Variants in CEP170 observed in about 807,000 individuals in gnomAD.
CEP170 encodes centrosomal protein of 170 kDa.
CEP170 carries 21 observed loss-of-function variants against 151.9 expected under a neutral mutation model. The observed-to-expected ratio is 0.14, with a 90% CI of 0.10 to 0.20. The LOEUF (loss-of-function observed/expected upper bound fraction) is 0.20, where lower values mean the gene tolerates loss of function less well. Among genes scored for constraint, CEP170 ranks in the 10% least tolerant of loss-of-function variants. CEP170 has a pLI of 1.00. For missense variants in CEP170, 964 were observed against 1,892.9 expected, an observed-to-expected ratio of 0.51 and a Z score of 9.11; for synonymous variants, 356 against 648.8, an observed-to-expected ratio of 0.55 and a Z score of 6.86.
chr1:243,154,390 A>G (rs1428174335), intron 14 of CEP170, among the ~76,000 whole-genome samples: 1 of 152,182 alleles, frequency 6.6e-6, no homozygotes, highest in Admixed American at 6.5e-5. Flanking sequence ...TTGAAAATAC[A>G]TTTTCTCACC....
At chr1:243,143,212 A>G (rs2056078022) in intron 14 of CEP170, among the ~76,000 whole-genome samples, 1 of 151,844 alleles carries the variant, frequency 6.6e-6, no homozygotes, top group African/African-American at 2.4e-5. Flanking sequence ...AGAACCCTGC[A>G]CTCTTTCGTA....
chr1:243,194,553 C>G (rs1202238618), intron 7 of CEP170, among the ~76,000 whole-genome samples: 1 of 151,820 alleles, frequency 6.6e-6, no homozygotes, highest in Non-Finnish European at 1.5e-5. Context: ...GTTCAATCAT[C>G]TGGAAAATTC....
intron 11 of CEP170, among the ~76,000 whole-genome samples, chr1:243,172,068 T>A (rs1173172045): frequency 1.3e-5 from 2 of 152,198 alleles, no homozygotes; most frequent in Non-Finnish European, 2.9e-5. Flanking sequence ...ACAGGAAACA[T>A]ATACTTCTAA....
chr1:243,163,179 G>A (rs2148523367), intron 13 of CEP170: 2 of 152,312 alleles, frequency 1.3e-5, no homozygotes, highest in Middle Eastern at 3.4e-3. Context: ...GGTCTTGTAG[G>A]AGATGGTGTG....
chr1:243,170,151 G>C (rs999769575), intron 11 of CEP170, among the ~76,000 whole-genome samples: 2 of 152,194 alleles, frequency 1.3e-5, no homozygotes, highest in Admixed American at 6.5e-5. Context: ...TCTTTGGGAG[G>C]CCGAGGCAGG....
At chr1:243,205,173 A>G (rs2061326016) in intron 4 of CEP170, among the ~76,000 whole-genome samples, 1 of 152,206 alleles carries the variant, frequency 6.6e-6, no homozygotes, top group African/African-American at 2.4e-5. Context: ...CCCAGGACTG[A>G]GTACTGAAGA....
chr1:243,213,504 G>A (rs906521933), intron 3 of CEP170, among the ~76,000 whole-genome samples: 1 of 152,120 alleles, frequency 6.6e-6, no homozygotes, highest in Admixed American at 6.5e-5. Context: ...CTATGATAAT[G>A]TTGATAAAGC....
chr1:243,253,416 G>C (rs974068632), intron 1 of CEP170: 1 of 152,226 alleles, frequency 6.6e-6, no homozygotes, highest in Non-Finnish European at 1.5e-5. Context: ...GTTTGGCTCT[G>C]CCTTCGATTA....
chr1:243,246,226 CTTTTTTTT>C (rs774096892), intron 1 of CEP170, among the ~76,000 whole-genome samples: 1 of 109,470 alleles, frequency 9.1e-6, no homozygotes, highest in African/African-American at 3.9e-5. Context: ...GTGTTGTTTA[CTTTTTTTT>C]TTTTTTTTTT....
rs543299367 is a variant in CEP170 at position 243,236,940 on chromosome 1, T to C, written c.-41-11619A>G. 2.6e-5 allele frequency among the ~76,000 whole-genome samples: 4 copies of C among 152,366 alleles called. No homozygotes were observed. The South Asian group carries it at 8.3e-4, about 32-fold the overall frequency. On this transcript the variant is annotated intron_variant, in intron 1 of 19. Transcript: ENST00000366542. ...TAGCATATCACTAATTCTTGTGCCC[T>C]TTAAAAATGGTTTCTGTTCATCTTC... is the stretch of plus-strand genomic sequence containing the variant.
intron 1 of CEP170, among the ~76,000 whole-genome samples, chr1:243,230,789 T>C (rs1352852781): frequency 6.6e-6 from 1 of 152,102 alleles, no homozygotes; most frequent in African/African-American, 2.4e-5. Context: ...CATACTAATA[T>C]ACACATATAG....
chr1:243,166,082 T>A lies in CEP170; in HGVS notation c.1878A>T (p.Arg626Ser). The A allele has an allele frequency of 6.2e-7, 1 of 1,612,982 alleles. No homozygotes were observed. Among genetic ancestry groups the A allele is most frequent in the African/African-American group, 1.3e-5 (1 of 74,988 alleles). ...CCAAGGAAGTTGCAGAGCCAGTACTTCTCACTGTCATGCCAGACTCACTGA... is the reference window on the plus strand; with the variant it reads ...CCAAGGAAGTTGCAGAGCCAGTACTACTCACTGTCATGCCAGACTCACTGA... Reference protein sequence around the residue: ...TEISESGMTVRSTGSATSLAS... With the variant: ...TEISESGMTVSSTGSATSLAS... Residue 626 changes from arginine (R) to serine (S), a missense_variant, in exon 13 of 20, where the codon AGA becomes AGT. Transcript: ENST00000366542.
chr1:243,214,234 G>A (rs190896482), intron 3 of CEP170, among the ~76,000 whole-genome samples: 32 of 150,500 alleles, frequency 2.1e-4, no homozygotes, highest in African/African-American at 7.5e-4. Flanking sequence ...GCACTTTATG[G>A]AGGAAAAAAG....
chr1:243,248,225 T>C (rs2065605231), intron 1 of CEP170, among the ~76,000 whole-genome samples: 1 of 152,220 alleles, frequency 6.6e-6, no homozygotes, highest in African/African-American at 2.4e-5. Context: ...AGTATTTAGG[T>C]GATTAAAGGT....
intron 1 of CEP170, among the ~76,000 whole-genome samples, chr1:243,227,442 T>C (rs967607940): frequency 6.6e-6 from 1 of 152,198 alleles, no homozygotes; most frequent in Admixed American, 6.5e-5. Flanking sequence ...ACACAATTTC[T>C]CCTTCAGAAA....
At chr1:243,137,935 A>G (rs1327079971) in intron 16 of CEP170, among the ~76,000 whole-genome samples, 3 of 152,144 alleles carry the variant, frequency 2.0e-5, no homozygotes, top group African/African-American at 7.2e-5. Flanking sequence ...GAAAAATAAC[A>G]TTGTCAAGGA....
At chr1:243,228,198 C>A (rs563249693) in intron 1 of CEP170, among the ~76,000 whole-genome samples, 1 of 152,184 alleles carries the variant, frequency 6.6e-6, no homozygotes, top group South Asian at 2.1e-4. Flanking sequence ...AAATGCAGAA[C>A]TTTATGTTAA....
chr1:243,196,640 G>GA (rs1251994981), intron 7 of CEP170, among the ~76,000 whole-genome samples: 1 of 152,068 alleles, frequency 6.6e-6, no homozygotes, highest in African/African-American at 2.4e-5. Flanking sequence ...CTGATTTTCA[G>GA]AGTTTGGTGA....
chr1:243,176,260 A>G (rs2059244327), intron 10 of CEP170, among the ~76,000 whole-genome samples: 1 of 151,908 alleles, frequency 6.6e-6, no homozygotes, highest in Non-Finnish European at 1.5e-5. Context: ...GAGATGAGAC[A>G]CCTAATTTTT....
Sources: gnomAD v4.1 joint callset for allele counts (sites outside exome capture counted in the v4.1 genomes callset) on GRCh38, gnomAD v4.1.1 for gene constraint, MANE v1.5 for transcripts, NCBI Gene and HGNC (gene_info 2026-07-23, HGNC 2026-07-21) for gene names.